CAMKK2: variants seen among roughly 807,000 people sequenced by gnomAD.
CAMKK2 encodes the protein calcium/calmodulin dependent protein kinase kinase 2.
Under a neutral mutation model 67.2 loss-of-function variants are expected in CAMKK2, and 30 were observed. The ratio of observed to expected loss-of-function variants is 0.45; its 90% CI spans 0.33 to 0.61. CAMKK2 has a LOEUF of 0.61. Among genes scored for constraint, CAMKK2 ranks in the 20% least tolerant of loss-of-function variants. The pLI, the probability that CAMKK2 is intolerant of heterozygous loss-of-function variation, is 0.02. For synonymous variants in CAMKK2, 322 were observed against 326.2 expected (o/e 0.99, Z 0.14); for missense variants, 643 against 802.0 (o/e 0.80, Z 2.39).
Position 121,255,333 on chromosome 12 carries a change from TATATAATTTTA to T in CAMKK2, c.907+206_907+216del. Among the ~76,000 whole-genome samples, 8 of 59,806 alleles carry T rather than the reference TATATAATTTTA, an allele frequency of 1.3e-4. 2 individuals carry two copies. The highest frequency in any genetic ancestry group is 2.1e-4 in the Non-Finnish European group (7 of 33,926). The allele number at this position is 59,806 out of a possible 152,430, so 39.2% of individuals were successfully genotyped here. On this transcript the variant is annotated intron_variant, in intron 9 of 16. Coordinates refer to ENST00000404169, the MANE Select transcript of CAMKK2 (RefSeq NM_001270485.2). ...ATATAATTTTATATATATATAATTA[TATATAATTTTA>T]TATATATAATTATATATATAATTTT...
intron 16 of CAMKK2, chr12:121,243,485 C>A (rs1653592): frequency 0.064 from 9,794 of 152,282 alleles, 358 homozygotes; most frequent in South Asian, 0.12. Context: ...ACAATGGAAT[C>A]TTATTTGGCC....
In CAMKK2 at chr12:121,248,653, C is replaced by G; in HGVS notation, c.1405G>C (p.Glu469Gln). The G allele has an allele frequency of 6.2e-7, 1 of 1,614,236 alleles. No homozygotes were observed. Among genetic ancestry groups the G allele is most frequent in the Non-Finnish European group, 8.5e-7 (1 of 1,180,036 alleles). ...TGTTTGACTGAGTTCTCGACCTCCT[C>G]TTCAGTCACTTCGACCAGCGTGCAG... Reference protein sequence around the residue: ...ENCTLVEVTEEEVENSVKHIP... With the variant: ...ENCTLVEVTEQEVENSVKHIP... The change falls in exon 14 of 17, where the codon GAG (glutamate) becomes CAG (glutamine). Residue 469 changes from glutamate to glutamine, a missense_variant. Around this residue, in one of 3 missense-constraint regions of CAMKK2, gnomAD observed 20 missense variants for 52.0 expected, o/e 0.38. Transcript: ENST00000404169.
intron 16 of CAMKK2, among the ~76,000 whole-genome samples, chr12:121,243,231 C>T (rs1438061674): frequency 6.6e-6 from 1 of 151,574 alleles, no homozygotes; most frequent in African/African-American, 2.4e-5. Context: ...CGGGGTTTCA[C>T]CATATTGGCC....
intron 16 of CAMKK2, chr12:121,244,096 T>C (rs1345444836): frequency 6.2e-7 from 1 of 1,611,524 alleles, no homozygotes; most frequent in East Asian, 2.2e-5. Context: ...TACGTTACTT[T>C]GCAACAGGCA....
intron 6 of CAMKK2, among the ~76,000 whole-genome samples, chr12:121,263,126 C>T (rs143253894): frequency 9.2e-5 from 14 of 152,220 alleles, no homozygotes; most frequent in Admixed American, 2.0e-4. Context: ...CCCGCCACCA[C>T]GCCCAGCTAA....
At chr12:121,271,260 T>A (rs1356856473) in intron 2 of CAMKK2, among the ~76,000 whole-genome samples, 6 of 119,462 alleles carry the variant, frequency 5.0e-5, no homozygotes, top group Non-Finnish European at 6.8e-5. Context: ...GGCAAAAGAG[T>A]AAAACTGTGT....
chr12:121,250,264 CT>C (rs138112441), intron 11 of CAMKK2, among the ~76,000 whole-genome samples: 1,637 of 152,284 alleles, frequency 0.011, 9 homozygotes, highest in Middle Eastern at 0.017. Flanking sequence ...GGGCTAGAGC[CT>C]TTCCCAAGCA....
Position 121,253,137 on chromosome 12 carries a change from G to A in CAMKK2, c.1107+136C>T. ...TGTTTGAGTCCCTGGATCTAGCCAA[G>A]CCTGAAGCCTACCCCTCAGTATCTT... is the stretch of plus-strand genomic sequence containing the variant. On this transcript the variant is annotated intron_variant, in intron 10 of 16. Coordinates refer to ENST00000404169, the MANE Select transcript of CAMKK2 (RefSeq NM_001270485.2). The surrounding 1 kb of genome is among the most constrained non-coding windows in gnomAD (Gnocchi z 5.0). 5.4e-6 allele frequency: 4 copies of A among 735,782 alleles called. No homozygotes were observed. In the South Asian group the frequency reaches 6.9e-5, roughly 13 times the overall value. 45.6% of individuals were successfully genotyped at this position (735,782 alleles called of 1,614,324 possible).
chr12:121,283,449 C>A (rs1898165380), intron 1 of CAMKK2, among the ~76,000 whole-genome samples: 1 of 152,120 alleles, frequency 6.6e-6, no homozygotes, highest in African/African-American at 2.4e-5. Flanking sequence ...CATCATAGTC[C>A]CTAGAACAAA....
At chr12:121,255,036 T>C (rs1164908494) in intron 9 of CAMKK2, among the ~76,000 whole-genome samples, 2 of 150,306 alleles carry the variant, frequency 1.3e-5, no homozygotes, top group East Asian at 2.0e-4. Context: ...TCCCAGCCTA[T>C]GTTTTTTTCC....
intron 3 of CAMKK2, 46 bp downstream of exon 3, chr12:121,270,852 G>A (rs1015571252): frequency 3.4e-6 from 5 of 1,488,506 alleles, no homozygotes; most frequent in African/African-American, 1.4e-5. Flanking sequence ...GTATCTGAAC[G>A]CCCCTGGTGA....
chr12:121,273,017 G>T (rs1283798648), intron 2 of CAMKK2, among the ~76,000 whole-genome samples: 1 of 152,150 alleles, frequency 6.6e-6, no homozygotes, highest in Admixed American at 6.6e-5. Flanking sequence ...GATGGGATAG[G>T]GTGTGGAGGT....
In CAMKK2 at chr12:121,263,933, G is replaced by A; in HGVS notation, c.632C>T (p.Pro211Leu). Residue 211 changes from proline (P) to leucine (L), a missense_variant, in exon 6 of 17, where the codon CCT (proline) becomes CTT (leucine). This residue lies in a region of CAMKK2 where 483 missense variants were observed against 625.8 expected (regional missense o/e 0.77). Coordinates refer to ENST00000404169, the MANE Select transcript of CAMKK2 (RefSeq NM_001270485.2). Reference sequence around the variant, plus strand: ...AGCTGGCCGGGTGCCTCGGGGTGGAGGGCGACCTGAAGGAAACAAAAACAG... The same window carrying A: ...AGCTGGCCGGGTGCCTCGGGGTGGAAGGCGACCTGAAGGAAACAAAAACAG... ...LIRQAGFPRRPPPRGTRPAPG... is the reference protein window; with the variant it reads ...LIRQAGFPRRLPPRGTRPAPG... 1 of 1,600,412 alleles carries A rather than the reference G, an allele frequency of 6.2e-7. No homozygotes were observed. The highest frequency in any genetic ancestry group is 8.5e-7 in the Non-Finnish European group (1 of 1,170,762).
chr12:121,279,770 T>G (rs1185054415), intron 1 of CAMKK2, among the ~76,000 whole-genome samples: 1 of 152,176 alleles, frequency 6.6e-6, no homozygotes, highest in Non-Finnish European at 1.5e-5. Context: ...ACAGGGCAGC[T>G]CATCACGAGC....
In CAMKK2 at chr12:121,250,308, T is replaced by A. The variant is rs139400385; in HGVS notation, c.1162-274A>T. Among the ~76,000 whole-genome samples the A allele has an allele frequency of 4.3e-4, 65 of 152,262 alleles. No individual in the cohort carries two copies. In the East Asian group the frequency reaches 0.01, roughly 24 times the overall value. ...GGCTCCCTCTGTAGCTGGGCCTCAG[T>A]TTACCTACTTACACCAAAGCAAACA... On this transcript the variant is annotated intron_variant, in intron 11 of 16. Transcript: ENST00000404169.
chr12:121,265,864 C>CAA, intron 5 of CAMKK2, among the ~76,000 whole-genome samples: 1 of 136,044 alleles, frequency 7.4e-6, no homozygotes, highest in African/African-American at 2.7e-5. Flanking sequence ...GACTCCGTCT[C>CAA]AAAAAAAAAA....
At chr12:121,281,783 C>A (rs1306893592) in intron 1 of CAMKK2, among the ~76,000 whole-genome samples, 1 of 152,088 alleles carries the variant, frequency 6.6e-6, no homozygotes, top group African/African-American at 2.4e-5. Context: ...CCCGTCTCTA[C>A]TAAAAATACA....
chr12:121,276,817 C>T (rs187920750), intron 1 of CAMKK2, among the ~76,000 whole-genome samples: 3 of 140,892 alleles, frequency 2.1e-5, no homozygotes, highest in Non-Finnish European at 1.5e-5. Context: ...ACCTGGGAGG[C>T]GGAGGTTGCA....
intron 2 of CAMKK2, among the ~76,000 whole-genome samples, chr12:121,272,428 C>A (rs1024929210): frequency 3.3e-5 from 5 of 152,152 alleles, no homozygotes; most frequent in South Asian, 2.1e-4. Context: ...TAAAAAGGAG[C>A]CATTGCTCAT....
Sources: gnomAD v4.1 joint callset for allele counts (sites outside exome capture counted in the v4.1 genomes callset) on GRCh38, gnomAD v4.1.1 for gene constraint, gnomAD v4.1.1 regional missense constraint, Gnocchi (gnomAD v3.1) non-coding constraint, MANE v1.5 for transcripts, NCBI Gene and HGNC (gene_info 2026-07-23, HGNC 2026-07-21) for gene names.